Variants in INPP4B observed in about 807,000 individuals in gnomAD.
INPP4B encodes the protein inositol polyphosphate-4-phosphatase type II B, also known as inositol polyphosphate 4-phosphatase type II.
INPP4B carries 55 observed loss-of-function variants against 122.5 expected under a neutral mutation model. The observed-to-expected ratio is 0.45, with a 90% CI of 0.36 to 0.56. The LOEUF is 0.56. INPP4B is among the 20% of genes least tolerant of loss of function. The pLI is 0.00. For synonymous variants in INPP4B, 403 were observed against 388.7 expected (o/e 1.04, Z -0.43); for missense variants, 1,000 against 1,097.7 (o/e 0.91, Z 1.26).
rs142672922 is a variant in INPP4B, at chr4:142,157,988, C to G, written c.1563+2370G>C. The stretch of plus-strand genomic sequence containing the variant: ...GTCTCAGGAGAAGTGCCTGCTCTTC[C>G]ACCTGGACCCTACCGTTGACTTTCT... On this transcript the variant is annotated intron_variant, in intron 17 of 25. Transcript: ENST00000262992. Among the ~76,000 whole-genome samples the G allele has an allele frequency of 2.8e-3, 431 of 152,190 alleles. 1 individual carries two copies. The highest frequency in any genetic ancestry group is 0.01 in the African/African-American group (420 of 41,540).
intron 11 of INPP4B, among the ~76,000 whole-genome samples, chr4:142,258,084 G>C (rs377077264): frequency 6.6e-6 from 1 of 151,330 alleles, no homozygotes; most frequent in African/African-American, 2.4e-5. Flanking sequence ...ACAAACCTGA[G>C]AAAAACAAGC....
rs145939226 is a variant in INPP4B, at chr4:142,183,815, T to C, written c.1181+9272A>G. Among the ~76,000 whole-genome samples, 784 of 152,328 alleles carry C rather than the reference T, an allele frequency of 5.1e-3. 10 individuals carry two copies. Among genetic ancestry groups the C allele is most frequent in the African/African-American group, 0.018 (744 of 41,586 alleles). On this transcript the variant is annotated intron_variant, in intron 15 of 25. Transcript: ENST00000262992. Reference sequence around the variant, plus strand: ...CCTCAAATCATATTATCTTTATATATTTAGTTTTAAAAATAAACAGACAAA... The same window carrying C: ...CCTCAAATCATATTATCTTTATATACTTAGTTTTAAAAATAAACAGACAAA...
In INPP4B at chr4:142,150,137, C is replaced by G. The variant is rs551953683; in HGVS notation, c.1564-4141G>C. ...GATTTTTACTCACTGTGCCAGTCCACAGGGGAAATGCCTTATGCCTAGATT... is the reference window on the plus strand; with the variant it reads ...GATTTTTACTCACTGTGCCAGTCCAGAGGGGAAATGCCTTATGCCTAGATT... On this transcript the variant is annotated intron_variant, in intron 17 of 25. Coordinates refer to ENST00000262992, the MANE Select transcript of INPP4B (RefSeq NM_001101669.3). Among the ~76,000 whole-genome samples the G allele has an allele frequency of 6.6e-5, 10 of 152,322 alleles. No homozygotes were observed. The South Asian group carries it at 2.1e-3, about 32-fold the overall frequency.
At chr4:142,645,884 T>C (rs894584) in intron 2 of INPP4B, among the ~76,000 whole-genome samples, 118,738 of 152,130 alleles carry the variant, frequency 0.78, 46,947 homozygotes, top group East Asian at 0.85. Flanking sequence ...ATAAGAAAAA[T>C]GAAAGATCCT....
chr4:142,836,991 C>A (rs1055501603), intron 1 of INPP4B, among the ~76,000 whole-genome samples: 2 of 151,622 alleles, frequency 1.3e-5, no homozygotes, highest in African/African-American at 4.8e-5. Context: ...CATGGTGAAA[C>A]CCTGCCTATA....
At chr4:142,373,025 C>T (rs947828176) in intron 7 of INPP4B, among the ~76,000 whole-genome samples, 1 of 152,006 alleles carries the variant, frequency 6.6e-6, no homozygotes, top group Non-Finnish European at 1.5e-5. Flanking sequence ...ACTTGAAATA[C>T]AGATGGTTTT....
intron 1 of INPP4B, among the ~76,000 whole-genome samples, chr4:142,755,831 T>C (rs560271848): frequency 7.2e-5 from 11 of 152,164 alleles, no homozygotes; most frequent in African/African-American, 2.4e-4. Context: ...TCTTTAAAAA[T>C]AGAAAACGTT....
intron 23 of INPP4B, among the ~76,000 whole-genome samples, chr4:142,105,872 A>T (rs1786809710): frequency 6.6e-6 from 1 of 152,200 alleles, no homozygotes; most frequent in Non-Finnish European, 1.5e-5. Flanking sequence ...CCAGCATGAT[A>T]GTTCTTTCCT....
At chr4:142,700,546 A>G (rs1355716784) in intron 2 of INPP4B, among the ~76,000 whole-genome samples, 3 of 152,214 alleles carry the variant, frequency 2.0e-5, no homozygotes, top group African/African-American at 7.2e-5. Context: ...TATCTGTTCT[A>G]AATTCTATTA....
intron 2 of INPP4B, among the ~76,000 whole-genome samples, chr4:142,556,146 T>C (rs921590777): frequency 1.3e-5 from 2 of 152,146 alleles, no homozygotes; most frequent in African/African-American, 4.8e-5. Context: ...CCCAGATCTT[T>C]AGCCAGGTAG....
At chr4:142,430,191 ATTAT>A (rs1419076658) in intron 4 of INPP4B, among the ~76,000 whole-genome samples, 10 of 152,036 alleles carry the variant, frequency 6.6e-5, no homozygotes, top group Non-Finnish European at 1.5e-5. Context: ...ACAGTTATTT[ATTAT>A]TTATTTTTGC....
intron 1 of INPP4B, among the ~76,000 whole-genome samples, chr4:142,799,347 A>G (rs1278588700): frequency 2.6e-5 from 4 of 151,918 alleles, no homozygotes; most frequent in African/African-American, 9.7e-5. Flanking sequence ...ATATTTGTGG[A>G]AAAATTAGAC....
At chr4:142,369,697 T>A (rs1354961023) in intron 7 of INPP4B, among the ~76,000 whole-genome samples, 3 of 151,426 alleles carry the variant, frequency 2.0e-5, no homozygotes, top group Non-Finnish European at 4.4e-5. Context: ...GAGGCCAAGG[T>A]GGGTGGATCA....
chr4:142,343,201 C>T (rs1022667830), intron 7 of INPP4B, among the ~76,000 whole-genome samples: 1 of 152,024 alleles, frequency 6.6e-6, no homozygotes, highest in South Asian at 2.1e-4. Flanking sequence ...TTGAATATTA[C>T]CAGCATAGGA....
chr4:142,810,322 T>A (rs1001448299), intron 1 of INPP4B, among the ~76,000 whole-genome samples: 1 of 152,154 alleles, frequency 6.6e-6, no homozygotes, highest in African/African-American at 2.4e-5. Context: ...CATTCATCAG[T>A]GAGGCTGCCA....
rs3078620 is a variant in INPP4B, at chr4:142,514,792, C to CTTTT, written c.-190-52070_-190-52067dup. 1.6e-3 allele frequency among the ~76,000 whole-genome samples: 193 copies of CTTTT among 121,742 alleles called. 2 individuals carry two copies. The highest frequency in any genetic ancestry group is 3.7e-3 in the East Asian group (15 of 4,016). 79.9% of individuals were successfully genotyped at this position (121,742 alleles called of 152,430 possible). ...CCATCCCCTGCACACACCATGATTT[C>CTTTT]TTTTTTTTTTTTTTTTTTTTTGAGA... On this transcript the variant is annotated intron_variant, in intron 2 of 25. Transcript: ENST00000262992.
chr4:142,239,115 C>T (rs577902950), intron 11 of INPP4B, among the ~76,000 whole-genome samples: 2 of 152,224 alleles, frequency 1.3e-5, no homozygotes, highest in East Asian at 3.9e-4. Context: ...ATTTCATTCA[C>T]TACTTGGGTA....
intron 11 of INPP4B, among the ~76,000 whole-genome samples, chr4:142,244,435 G>A (rs1726827608): frequency 6.6e-6 from 1 of 151,542 alleles, no homozygotes; most frequent in Non-Finnish European, 1.5e-5. Context: ...GAGTAGCTGG[G>A]ACTACAGGCG....
chr4:142,305,692 A>C (rs1324593767), intron 8 of INPP4B, 155 bp from the exon 9 acceptor site: 1 of 1,457,632 alleles, frequency 6.9e-7, no homozygotes, highest in African/African-American at 1.4e-5. Context: ...TATCAATAAT[A>C]TATCTACCTC....
Sources: gnomAD v4.1 joint callset for allele counts (sites outside exome capture counted in the v4.1 genomes callset) on GRCh38, gnomAD v4.1.1 for gene constraint, MANE v1.5 for transcripts, NCBI Gene and HGNC (gene_info 2026-07-23, HGNC 2026-07-21) for gene names.